The following ITPR2 variants were observed in gnomAD, a reference collection of about 807,000 sequenced individuals.
The protein encoded by ITPR2 is inositol 1,4,5-trisphosphate receptor type 2.
ITPR2 carries 207 observed loss-of-function variants against 317.1 expected under a neutral mutation model. That is an observed-to-expected ratio of 0.65 (90% confidence interval 0.58 to 0.73). The LOEUF is 0.73. Ranked by LOEUF, ITPR2 falls within the 30% of genes least tolerant of loss-of-function variation. The pLI is 0.00. For missense variants in ITPR2, 2,613 were observed against 3,284.0 expected (o/e 0.80, Z 4.99); for synonymous variants, 1,156 against 1,149.1 (o/e 1.01, Z -0.12).
chr12:26,384,459 A>G (rs1033556162), intron 55 of ITPR2, among the ~76,000 whole-genome samples: 4 of 152,190 alleles, frequency 2.6e-5, no homozygotes, highest in Non-Finnish European at 4.4e-5. Flanking sequence ...GATGAAAATG[A>G]AACGTTTCAT....
Position 26,628,050 on chromosome 12 carries a change from T to C in ITPR2, c.3047A>G (p.Asp1016Gly), listed in dbSNP as rs774871372. 6.2e-7 allele frequency: 1 copy of C among 1,611,720 alleles called. No individual in the cohort carries two copies. The highest frequency in any genetic ancestry group is 8.5e-7 in the Non-Finnish European group (1 of 1,179,340). Residue 1016 changes from aspartate (D) to glycine (G), a missense_variant, in exon 23 of 57, where the codon GAC (aspartate) becomes GGC (glycine). Coordinates refer to ENST00000381340, the MANE Select transcript of ITPR2 (RefSeq NM_002223.4). ...NAETSASGSP[D>G]TLLPSAIVPD... ...AAAGATACCTGATGGTAGTAAAGTG[T>C]CTGGAGATCCACTGGCAGATGTCTC...
intron 45 of ITPR2, among the ~76,000 whole-genome samples, chr12:26,443,878 G>A (rs116526872): frequency 0.012 from 1,894 of 152,210 alleles, 45 homozygotes; most frequent in African/African-American, 0.044. Context: ...ATAAATGTAC[G>A]ATTGTACCAG....
At chr12:26,362,461 C>A (rs1386966336) in intron 55 of ITPR2, among the ~76,000 whole-genome samples, 2 of 152,216 alleles carry the variant, frequency 1.3e-5, no homozygotes, top group Non-Finnish European at 2.9e-5. Context: ...ACAAGCCCAG[C>A]AAGTGCTCAA....
intron 2 of ITPR2, among the ~76,000 whole-genome samples, chr12:26,780,516 T>A (rs976202379): frequency 2.0e-5 from 3 of 152,168 alleles, no homozygotes; most frequent in African/African-American, 7.2e-5. Flanking sequence ...GCTCATGGAA[T>A]TTACTGGACT....
At chr12:26,769,777 C>T (rs1414578311) in intron 2 of ITPR2, among the ~76,000 whole-genome samples, 1 of 152,096 alleles carries the variant, frequency 6.6e-6, no homozygotes, top group Non-Finnish European at 1.5e-5. Flanking sequence ...TAATACATGA[C>T]ACAAGAGAAG....
intron 31 of ITPR2, among the ~76,000 whole-genome samples, chr12:26,596,562 G>A (rs550709632): frequency 2.0e-5 from 3 of 150,688 alleles, no homozygotes; most frequent in African/African-American, 7.3e-5. Flanking sequence ...CAGGAGAATC[G>A]CTTGAACCCA....
At chr12:26,530,209 T>C (rs892060882) in intron 37 of ITPR2, among the ~76,000 whole-genome samples, 2 of 152,186 alleles carry the variant, frequency 1.3e-5, no homozygotes, top group Middle Eastern at 3.2e-3. Flanking sequence ...CAATAAGTGA[T>C]GTAGCAAGGG....
At chr12:26,523,008 C>G (rs932298033) in intron 37 of ITPR2, among the ~76,000 whole-genome samples, 1 of 152,190 alleles carries the variant, frequency 6.6e-6, no homozygotes, top group South Asian at 2.1e-4. Flanking sequence ...ACAATTCTAA[C>G]GAGCATTGTC....
intron 26 of ITPR2, among the ~76,000 whole-genome samples, chr12:26,611,080 G>A (rs866141829): frequency 6.6e-6 from 1 of 152,326 alleles, no homozygotes; most frequent in Middle Eastern, 3.4e-3. Flanking sequence ...CACACAAACT[G>A]TTCCGGCACC....
intron 32 of ITPR2, among the ~76,000 whole-genome samples, chr12:26,584,202 T>C (rs1470258263): frequency 6.6e-6 from 1 of 152,170 alleles, no homozygotes; most frequent in African/African-American, 2.4e-5. Flanking sequence ...GTGGGGATGG[T>C]CAAGGATTCC....
chr12:26,580,380 ATTCTTTC>A (rs1482093592), intron 32 of ITPR2, among the ~76,000 whole-genome samples: 1 of 152,084 alleles, frequency 6.6e-6, no homozygotes, highest in Non-Finnish European at 1.5e-5. Flanking sequence ...TGAAACCAGA[ATTCTTTC>A]ACAGACCCCC....
Position 26,447,994 on chromosome 12 carries a change from CTTTT to C in ITPR2, c.6343-4348_6343-4345del, listed in dbSNP as rs376160734. 2.8e-3 allele frequency among the ~76,000 whole-genome samples: 230 copies of C among 82,178 alleles called. 1 individual carries two copies. Among genetic ancestry groups the C allele is most frequent in the African/African-American group, 6.1e-3 (201 of 32,888 alleles). 53.9% of individuals were successfully genotyped at this position (82,178 alleles called of 152,430 possible). On this transcript the variant is annotated intron_variant, in intron 45 of 56. Coordinates refer to ENST00000381340, the MANE Select transcript of ITPR2 (RefSeq NM_002223.4). Reference sequence around the variant, plus strand: ...ATATGCCATGTACCCTTTTACATGACTTTTTTTTAAAAAAAAAAAAACCCAGCAT... The same window carrying C: ...ATATGCCATGTACCCTTTTACATGACTTTTAAAAAAAAAAAAACCCAGCAT...
In ITPR2 at chr12:26,595,598, A is replaced by G. The variant is rs1945823650; in HGVS notation, c.4255-8T>C. 6.5e-7 allele frequency: 1 copy of G among 1,540,518 alleles called. No individual in the cohort carries two copies. Among genetic ancestry groups the G allele is most frequent in the Non-Finnish European group, 8.7e-7 (1 of 1,152,560 alleles). On this transcript the variant is annotated splice_polypyrimidine_tract_variant and splice_region_variant and intron_variant, in intron 31 of 56. Transcript: ENST00000381340. Reference sequence around the variant, plus strand: ...CACATAAGCAATTTTAACCTGTGCAAGTTTCAAATACAAAAGAAAGTTAGT... The same window carrying G: ...CACATAAGCAATTTTAACCTGTGCAGGTTTCAAATACAAAAGAAAGTTAGT...
At chr12:26,657,534 G>A (rs1292942373) in intron 18 of ITPR2, among the ~76,000 whole-genome samples, 173 bp downstream of exon 18, 1 of 152,136 alleles carries the variant, frequency 6.6e-6, no homozygotes, top group Non-Finnish European at 1.5e-5. Flanking sequence ...AAATATAAAT[G>A]TTAACTTTTA....
At chr12:26,516,057 G>T (rs956095837) in intron 37 of ITPR2, among the ~76,000 whole-genome samples, 1 of 151,290 alleles carries the variant, frequency 6.6e-6, no homozygotes, top group Non-Finnish European at 1.5e-5. Flanking sequence ...CCTGAAGGCA[G>T]AGGTTGCAGT....
chr12:26,451,737 G>C (rs1941747555), intron 45 of ITPR2, among the ~76,000 whole-genome samples: 1 of 151,960 alleles, frequency 6.6e-6, no homozygotes, highest in African/African-American at 2.4e-5. Context: ...TAGTAAAATT[G>C]ATAAAAGACC....
intron 10 of ITPR2, among the ~76,000 whole-genome samples, chr12:26,691,219 G>A (rs1486175442): frequency 6.6e-6 from 1 of 152,118 alleles, no homozygotes; most frequent in Non-Finnish European, 1.5e-5. Flanking sequence ...TATGATTCAA[G>A]CCTCAATATA....
At chr12:26,450,082 A>G (rs1487605348) in intron 45 of ITPR2, among the ~76,000 whole-genome samples, 1 of 152,162 alleles carries the variant, frequency 6.6e-6, no homozygotes, top group Non-Finnish European at 1.5e-5. Context: ...ATATAAGCCA[A>G]CATATGCCAA....
chr12:26,676,024 G>C (rs1947899529), intron 13 of ITPR2, among the ~76,000 whole-genome samples: 1 of 152,074 alleles, frequency 6.6e-6, no homozygotes, highest in African/African-American at 2.4e-5. Flanking sequence ...TAGGTGTGGT[G>C]GCACACACCT....
Sources: gnomAD v4.1 joint callset for allele counts (sites outside exome capture counted in the v4.1 genomes callset) on GRCh38, gnomAD v4.1.1 for gene constraint, MANE v1.5 for transcripts, NCBI Gene and HGNC (gene_info 2026-07-23, HGNC 2026-07-21) for gene names.